Variants in PRICKLE1 observed in about 807,000 individuals in gnomAD.
The protein encoded by PRICKLE1 is prickle planar cell polarity protein 1.
In PRICKLE1, 14 loss-of-function variants were observed where a neutral mutation model predicts 70.2. That is an observed-to-expected ratio of 0.20 (90% CI 0.13 to 0.31). PRICKLE1 has a LOEUF of 0.31. Ranked by LOEUF, PRICKLE1 falls within the 10% of genes least tolerant of loss-of-function variation. The pLI is 1.00. For missense variants in PRICKLE1, 821 were observed against 1,026.2 expected (o/e 0.80, Z 2.73); for synonymous variants, 357 against 379.9 (o/e 0.94, Z 0.70).
intron 1 of PRICKLE1, among the ~76,000 whole-genome samples, chr12:42,547,781 C>T (rs766102755): frequency 9.9e-5 from 15 of 152,080 alleles, no homozygotes; most frequent in South Asian, 8.3e-4. Flanking sequence ...TGTTAATTTA[C>T]GAGAGGAAAA....
chr12:42,573,129 A>G (rs1435958183), intron 1 of PRICKLE1, among the ~76,000 whole-genome samples: 27 of 152,210 alleles, frequency 1.8e-4, no homozygotes, highest in Admixed American at 6.5e-5. Context: ...ACTCACTTAC[A>G]CTAAAACATT....
At chr12:42,588,700 C>T (rs185619733) in intron 1 of PRICKLE1, among the ~76,000 whole-genome samples, 2 of 152,280 alleles carry the variant, frequency 1.3e-5, no homozygotes, top group African/African-American at 2.4e-5. Flanking sequence ...CCCCCAACCT[C>T]GTTCTTCAGC....
At chr12:42,476,194 T>TA (rs1938524140) in intron 1 of PRICKLE1, among the ~76,000 whole-genome samples, 1 of 114,102 alleles carries the variant, frequency 8.8e-6, no homozygotes, top group South Asian at 2.6e-4. Context: ...TTCTTTTTTC[T>TA]TTTTTTTTTT....
rs1939336171 is a variant in PRICKLE1 at position 42,502,620 on chromosome 12, T to A, written c.-48-30056A>T. Among the ~76,000 whole-genome samples the A allele has an allele frequency of 2.0e-5, 3 of 152,126 alleles. No homozygotes were observed. The South Asian group carries it at 6.2e-4, about 32-fold the overall frequency. Reference sequence around the variant, plus strand: ...ACCACCATGTCTGGCTTGTGTGGTTTTTTAAAAAAAATATTTATTCTCTTC... The same window carrying A: ...ACCACCATGTCTGGCTTGTGTGGTTATTTAAAAAAAATATTTATTCTCTTC... On this transcript the variant is annotated intron_variant, in intron 1 of 7. Coordinates refer to ENST00000345127, the MANE Select transcript of PRICKLE1 (RefSeq NM_153026.3).
chr12:42,545,417 T>A (rs1165607535), intron 1 of PRICKLE1, among the ~76,000 whole-genome samples: 3 of 152,244 alleles, frequency 2.0e-5, no homozygotes, highest in Non-Finnish European at 4.4e-5. Flanking sequence ...CCATGCTGCA[T>A]TCTGCAGTTT....
At chr12:42,476,061 C>T (rs1196356954) in intron 1 of PRICKLE1, among the ~76,000 whole-genome samples, 2 of 139,682 alleles carry the variant, frequency 1.4e-5, no homozygotes, top group East Asian at 4.2e-4. Flanking sequence ...CATTGCACTC[C>T]AGCCTGGGTG....
chr12:42,557,322 G>A (rs963661235), intron 1 of PRICKLE1, among the ~76,000 whole-genome samples: 12 of 152,200 alleles, frequency 7.9e-5, no homozygotes, highest in African/African-American at 2.2e-4. Flanking sequence ...ACTCACTTAA[G>A]TGTCTGTTAA....
At chr12:42,507,602 C>T (rs760410572) in intron 1 of PRICKLE1, among the ~76,000 whole-genome samples, 5 of 152,126 alleles carry the variant, frequency 3.3e-5, no homozygotes, top group Non-Finnish European at 5.9e-5. Context: ...TTTTTTTGAG[C>T]TGTTATGATC....
intron 1 of PRICKLE1, among the ~76,000 whole-genome samples, chr12:42,530,216 T>C (rs1351460738): frequency 6.6e-6 from 1 of 152,166 alleles, no homozygotes; most frequent in Non-Finnish European, 1.5e-5. Context: ...GGTGCTGGGA[T>C]TACAGGCATA....
intron 1 of PRICKLE1, among the ~76,000 whole-genome samples, chr12:42,588,927 A>G (rs1381075163): frequency 6.6e-6 from 1 of 151,938 alleles, no homozygotes; most frequent in African/African-American, 2.4e-5. Flanking sequence ...TTTTTTCCCT[A>G]TATCTGTGCT....
intron 1 of PRICKLE1, among the ~76,000 whole-genome samples, chr12:42,563,362 T>C (rs7955255): frequency 0.27 from 40,201 of 151,562 alleles, 7,634 homozygotes; most frequent in African/African-American, 0.55. Flanking sequence ...AATGTTTAAT[T>C]ATCATGGGTA....
chr12:42,532,217 T>C (rs999209227), intron 1 of PRICKLE1, among the ~76,000 whole-genome samples: 1 of 152,196 alleles, frequency 6.6e-6, no homozygotes, highest in Non-Finnish European at 1.5e-5. Context: ...GCAATTCTAC[T>C]TCTAACAGTA....
chr12:42,572,143 A>G (rs150782768), intron 1 of PRICKLE1, among the ~76,000 whole-genome samples: 94 of 152,254 alleles, frequency 6.2e-4, no homozygotes, highest in African/African-American at 2.1e-3. Context: ...TGTTTAAAAT[A>G]TATCTCTAGG....
At chr12:42,477,877 G>A (rs73126490) in intron 1 of PRICKLE1, among the ~76,000 whole-genome samples, 6,543 of 151,424 alleles carry the variant, frequency 0.043, 205 homozygotes, top group African/African-American at 0.089. Flanking sequence ...TTATGACAGA[G>A]TAAAACTTTT....
chr12:42,482,939 C>A (rs1009925007), intron 1 of PRICKLE1: 1 of 152,132 alleles, frequency 6.6e-6, no homozygotes, highest in Non-Finnish European at 1.5e-5. Flanking sequence ...GCGCTCCAGG[C>A]GGCGGCCGCT....
intron 1 of PRICKLE1, among the ~76,000 whole-genome samples, chr12:42,474,006 GCTCACACCTGTAAT>G (rs1466357952): frequency 6.6e-6 from 1 of 152,188 alleles, no homozygotes; most frequent in East Asian, 1.9e-4. Flanking sequence ...GGGCGTGGTA[GCTCACACCTGTAAT>G]CCCAGCACTT....
At chr12:42,529,850 C>T (rs1231807882) in intron 1 of PRICKLE1, among the ~76,000 whole-genome samples, 1 of 152,042 alleles carries the variant, frequency 6.6e-6, no homozygotes, top group African/African-American at 2.4e-5. Context: ...TTGCTCCACT[C>T]ACTATATTCC....
intron 3 of PRICKLE1, 28 bp from the exon 4 acceptor site, chr12:42,469,615 A>G: frequency 5.0e-6 from 8 of 1,613,498 alleles, no homozygotes; most frequent in Non-Finnish European, 6.8e-6. Context: ...CAGAAACACC[A>G]CACTGAGTGC....
chr12:42,587,560 G>A (rs1397860978), intron 1 of PRICKLE1, among the ~76,000 whole-genome samples: 1 of 152,210 alleles, frequency 6.6e-6, no homozygotes, highest in Non-Finnish European at 1.5e-5. Flanking sequence ...AAACATTTCT[G>A]GAAGAGCTGG....
Sources: allele counts gnomAD v4.1 joint callset (sites outside exome capture counted in the v4.1 genomes callset), GRCh38; gene constraint gnomAD v4.1.1; transcripts MANE v1.5; gene names NCBI Gene and HGNC (gene_info 2026-07-23, HGNC 2026-07-21).